The following CNTNAP5 variants were observed in gnomAD, a reference collection of about 807,000 sequenced individuals.
The protein encoded by CNTNAP5 is contactin-associated protein-like 5.
In CNTNAP5, 72 loss-of-function variants were observed where a neutral mutation model predicts 150.2. That is an observed-to-expected ratio of 0.48 (90% CI 0.40 to 0.58). The LOEUF (loss-of-function observed/expected upper bound fraction) is 0.58, where lower values mean the gene tolerates loss of function less well. Among genes scored for constraint, CNTNAP5 ranks in the 20% least tolerant of loss-of-function variants. The pLI, the probability that CNTNAP5 is intolerant of heterozygous loss-of-function variation, is 0.00. For missense variants in CNTNAP5, 1,636 were observed against 1,626.2 expected, an observed-to-expected ratio of 1.01 and a Z score of -0.10; for synonymous variants, 672 against 619.8, an observed-to-expected ratio of 1.08 and a Z score of -1.25.
chr2:124,796,957 C>T (rs1290227403), intron 18 of CNTNAP5, among the ~76,000 whole-genome samples: 1 of 152,160 alleles, frequency 6.6e-6, no homozygotes, highest in Non-Finnish European at 1.5e-5. Flanking sequence ...AGTATCTCAG[C>T]ATTTGGACAG....
At chr2:124,031,541 T>G (rs950336328) in intron 1 of CNTNAP5, among the ~76,000 whole-genome samples, 2 of 152,114 alleles carry the variant, frequency 1.3e-5, no homozygotes, top group Non-Finnish European at 2.9e-5. Context: ...AGCTGAAAAA[T>G]GAGCCCCTGC....
At chr2:124,573,778 A>G (rs1168878774) in intron 11 of CNTNAP5, among the ~76,000 whole-genome samples, 1 of 152,188 alleles carries the variant, frequency 6.6e-6, no homozygotes, top group East Asian at 1.9e-4. Context: ...TTGAATCCAG[A>G]CAGATGGAGG....
chr2:124,106,824 G>A (rs1041557167), intron 1 of CNTNAP5, among the ~76,000 whole-genome samples: 6 of 152,166 alleles, frequency 3.9e-5, no homozygotes, highest in African/African-American at 1.4e-4. Context: ...TGAAGCTGGA[G>A]CCATCGTATG....
At chr2:124,126,767 A>T (rs1683714054) in intron 1 of CNTNAP5, among the ~76,000 whole-genome samples, 2 of 152,212 alleles carry the variant, frequency 1.3e-5, no homozygotes, top group African/African-American at 2.4e-5. Flanking sequence ...ACACAAATCA[A>T]TAAATGTAAT....
intron 3 of CNTNAP5, among the ~76,000 whole-genome samples, chr2:124,337,035 T>A (rs988800052): frequency 2.0e-5 from 3 of 152,184 alleles, no homozygotes; most frequent in Non-Finnish European, 4.4e-5. Context: ...CTCTAGCACC[T>A]GTTGTTTCCT....
At chr2:124,291,605 T>C (rs1688295740) in intron 3 of CNTNAP5, among the ~76,000 whole-genome samples, 1 of 152,080 alleles carries the variant, frequency 6.6e-6, no homozygotes. Context: ...TTGTCAGACC[T>C]ACAATTATTT....
intron 13 of CNTNAP5, among the ~76,000 whole-genome samples, chr2:124,719,270 G>T (rs74409580): frequency 0.026 from 3,899 of 152,148 alleles, 174 homozygotes; most frequent in African/African-American, 0.09. Flanking sequence ...CTCCTACAAC[G>T]ACCAGCAAAT....
chr2:124,436,128 G>C (rs1692525460), intron 5 of CNTNAP5, among the ~76,000 whole-genome samples: 1 of 152,198 alleles, frequency 6.6e-6, no homozygotes, highest in Non-Finnish European at 1.5e-5. Context: ...GTTACAAGTG[G>C]CTTACATAGC....
intron 10 of CNTNAP5, among the ~76,000 whole-genome samples, chr2:124,546,109 A>T (rs1695505444): frequency 6.6e-6 from 1 of 152,070 alleles, no homozygotes; most frequent in East Asian, 1.9e-4. Context: ...TTTATCCAAC[A>T]CCCCAGTTGG....
chr2:124,177,850 C>CTTTT (rs35920642), intron 1 of CNTNAP5, among the ~76,000 whole-genome samples: 2 of 141,718 alleles, frequency 1.4e-5, no homozygotes, highest in African/African-American at 2.6e-5. Flanking sequence ...TTATGGTTTA[C>CTTTT]TTTTTTTTTT....
chr2:124,819,664 AC>A (rs1682443072), intron 19 of CNTNAP5, among the ~76,000 whole-genome samples: 2 of 152,172 alleles, frequency 1.3e-5, no homozygotes, highest in Non-Finnish European at 2.9e-5. Context: ...GAAATTAAGA[AC>A]CAGGTTAGAC....
chr2:124,447,913 A>G (rs1008200126), intron 6 of CNTNAP5, among the ~76,000 whole-genome samples: 3 of 152,158 alleles, frequency 2.0e-5, no homozygotes, highest in Non-Finnish European at 4.4e-5. Flanking sequence ...TTACCAGTTC[A>G]TGAGTTTCAA....
rs111392414 is a variant in CNTNAP5, at chr2:124,633,089, C to T, written c.1877-14669C>T. Among the ~76,000 whole-genome samples the T allele has an allele frequency of 2.2e-3, 338 of 152,268 alleles. 3 individuals carry two copies. The highest frequency in any genetic ancestry group is 7.6e-3 in the African/African-American group (317 of 41,554). ...TGAACAGGAGATTTGGGCAGGGACA[C>T]AGCTCCAAATCAAATAATTCTGCCT... On this transcript the variant is annotated intron_variant, in intron 12 of 23. Transcript: ENST00000682447.
At chr2:124,246,183 C>T (rs764648364) in intron 3 of CNTNAP5, among the ~76,000 whole-genome samples, 7 of 152,086 alleles carry the variant, frequency 4.6e-5, no homozygotes, top group Admixed American at 2.0e-4. Flanking sequence ...ATCCATTCAC[C>T]AGTACTGAAG....
At chr2:124,053,455 G>C (rs1367896048) in intron 1 of CNTNAP5, among the ~76,000 whole-genome samples, 1 of 152,176 alleles carries the variant, frequency 6.6e-6, no homozygotes, top group African/African-American at 2.4e-5. Context: ...TCTTGAGACA[G>C]GTAAAGAACA....
intron 3 of CNTNAP5, among the ~76,000 whole-genome samples, chr2:124,387,201 A>G (rs1573959755): frequency 6.6e-6 from 1 of 152,254 alleles, no homozygotes; most frequent in East Asian, 1.9e-4. Flanking sequence ...TGGCCTGATA[A>G]AGATGAGTAC....
chr2:124,600,718 C>G (rs1467984678), intron 11 of CNTNAP5, among the ~76,000 whole-genome samples: 1 of 135,188 alleles, frequency 7.4e-6, no homozygotes, highest in Non-Finnish European at 1.6e-5. Flanking sequence ...CCCCAAAATA[C>G]AACAACAATA....
intron 10 of CNTNAP5, among the ~76,000 whole-genome samples, chr2:124,546,004 A>C (rs570186020): frequency 1.1e-4 from 17 of 152,234 alleles, no homozygotes; most frequent in South Asian, 8.3e-4. Context: ...GAATTCATAA[A>C]AATCCATTAA....
intron 1 of CNTNAP5, among the ~76,000 whole-genome samples, chr2:124,148,505 A>G (rs1558775206): frequency 6.8e-6 from 1 of 146,280 alleles, no homozygotes; most frequent in African/African-American, 2.5e-5. Context: ...AGAGAGAGGT[A>G]TATATATATA....
Sources: gnomAD v4.1 joint callset for allele counts (sites outside exome capture counted in the v4.1 genomes callset) on GRCh38, gnomAD v4.1.1 for gene constraint, MANE v1.5 for transcripts, NCBI Gene and HGNC (gene_info 2026-07-23, HGNC 2026-07-21) for gene names.